The following RAB11FIP4 variants were observed in gnomAD, a reference collection of about 807,000 sequenced individuals.
The protein encoded by RAB11FIP4 is RAB11 family interacting protein 4, also known as rab11 family-interacting protein 4.
Under a neutral mutation model 74.3 loss-of-function variants are expected in RAB11FIP4, and 23 were observed. The observed-to-expected ratio is 0.31, with a 90% CI of 0.22 to 0.44. The LOEUF is 0.44. Ranked by LOEUF, RAB11FIP4 falls within the 20% of genes least tolerant of loss-of-function variation. The pLI is 1.00. For missense variants in RAB11FIP4, 630 were observed against 863.9 expected (o/e 0.73, Z 3.39); for synonymous variants, 360 against 359.9 (o/e 1.00, Z 0.00).
intron 11 of RAB11FIP4, 60 bp downstream of exon 11, chr17:31,527,983 T>C (rs575024455): frequency 2.3e-6 from 3 of 1,313,654 alleles, no homozygotes; most frequent in Middle Eastern, 2.5e-4. Flanking sequence ...TTTAGTTTAT[T>C]GCTTCTGAAA....
chr17:31,449,214 A>G lies in RAB11FIP4; in HGVS notation c.336+15092A>G, dbSNP rs1212849033. ...GCTCTGACACAGGCCATGCCCTCCA[A>G]TCCCAGCTCCTCACCCGCACACCGC... On this transcript the variant is annotated intron_variant, in intron 3 of 14. Coordinates refer to ENST00000621161, the MANE Select transcript of RAB11FIP4 (RefSeq NM_032932.6). Among the ~76,000 whole-genome samples, 5 of 152,098 alleles carry G rather than the reference A, an allele frequency of 3.3e-5. No individual in the cohort carries two copies. The South Asian group carries it at 8.3e-4, about 25-fold the overall frequency.
rs913082164 is a variant in RAB11FIP4 at position 31,535,931 on chromosome 17, G to A, written c.*4199G>A. 6.6e-6 allele frequency: 1 copy of A among 151,524 alleles called. No individual in the cohort carries two copies. Among genetic ancestry groups the A allele is most frequent in the African/African-American group, 2.4e-5 (1 of 41,238 alleles). The allele number at this position is 151,524 out of a possible 1,614,324, so 9.4% of individuals were successfully genotyped here. The stretch of plus-strand genomic sequence containing the variant: ...TGCTTCTGGTCTGTTTCCTGACTGG[G>A]TTGATAAAGGGAGTCCCAGCTCGTT... On this transcript the variant is annotated 3_prime_UTR_variant, in exon 15 of 15. Transcript: ENST00000621161.
chr17:31,462,166 T>C (rs769723837), intron 3 of RAB11FIP4, among the ~76,000 whole-genome samples: 5 of 151,856 alleles, frequency 3.3e-5, no homozygotes, highest in Non-Finnish European at 7.4e-5. Context: ...CTCAGGAGGC[T>C]AAGGCAGGAG....
rs975400152 is a variant in RAB11FIP4, at chr17:31,533,785, C to G, written c.*2053C>G. ...CTGGCAGCCTGGGGCGTGCTTCAGG[C>G]TCCTCCCTCTAAGGGGCGCCATGGG... On this transcript the variant is annotated 3_prime_UTR_variant, in exon 15 of 15. Coordinates refer to ENST00000621161, the MANE Select transcript of RAB11FIP4 (RefSeq NM_032932.6). 6.6e-6 allele frequency: 1 copy of G among 152,148 alleles called. No homozygotes were observed. Among genetic ancestry groups the G allele is most frequent in the African/African-American group, 2.4e-5 (1 of 41,400 alleles). The allele number at this position is 152,148 out of a possible 1,614,324, so 9.4% of individuals were successfully genotyped here.
intron 1 of RAB11FIP4, among the ~76,000 whole-genome samples, chr17:31,428,383 G>A (rs1481241235): frequency 6.6e-6 from 1 of 152,166 alleles, no homozygotes; most frequent in Non-Finnish European, 1.5e-5. Context: ...GCCTGTGATG[G>A]CGTGAACACT....
At chr17:31,468,983 T>C (rs2071712744) in intron 3 of RAB11FIP4, among the ~76,000 whole-genome samples, 1 of 152,134 alleles carries the variant, frequency 6.6e-6, no homozygotes, top group African/African-American at 2.4e-5. Flanking sequence ...GCCTACCTGA[T>C]AGGACTGTGA....
chr17:31,459,364 G>C (rs2071612707), intron 3 of RAB11FIP4, among the ~76,000 whole-genome samples: 1 of 151,870 alleles, frequency 6.6e-6, no homozygotes, highest in African/African-American at 2.4e-5. Context: ...ATAAAATGGG[G>C]GTAAAATGCC....
At chr17:31,477,624 C>T (rs749237552) in intron 3 of RAB11FIP4, among the ~76,000 whole-genome samples, 14 of 152,230 alleles carry the variant, frequency 9.2e-5, no homozygotes, top group Non-Finnish European at 1.9e-4. Context: ...TAGGTCTGGC[C>T]TGCGGTTTCT....
chr17:31,526,206 G>A (rs1597984507), intron 10 of RAB11FIP4: 1 of 152,364 alleles, frequency 6.6e-6, no homozygotes, highest in Non-Finnish European at 1.5e-5. Flanking sequence ...AAGGGTGACT[G>A]CTCTCGCTCA....
chr17:31,474,243 T>A (rs1243610819), intron 3 of RAB11FIP4, among the ~76,000 whole-genome samples: 1 of 152,010 alleles, frequency 6.6e-6, no homozygotes, highest in African/African-American at 2.4e-5. Context: ...GGCAACAATG[T>A]GGGGTGGGGA....
chr17:31,506,701 A>G (rs2072356673), intron 3 of RAB11FIP4, among the ~76,000 whole-genome samples: 1 of 152,214 alleles, frequency 6.6e-6, no homozygotes, highest in Non-Finnish European at 1.5e-5. Flanking sequence ...TCCATGTCAC[A>G]AATGACAGGA....
chr17:31,441,638 C>A (rs2071408043), intron 3 of RAB11FIP4, among the ~76,000 whole-genome samples: 1 of 152,044 alleles, frequency 6.6e-6, no homozygotes, highest in East Asian at 1.9e-4. Context: ...AGCAATTCTC[C>A]TGCCTCAGCC....
chr17:31,412,094 C>T (rs1463548275), intron 1 of RAB11FIP4, among the ~76,000 whole-genome samples: 1 of 152,176 alleles, frequency 6.6e-6, no homozygotes, highest in Non-Finnish European at 1.5e-5. Context: ...TTCTCCTCCC[C>T]AAGTGAGTGC....
chr17:31,495,106 G>A (rs1274414505), intron 3 of RAB11FIP4, among the ~76,000 whole-genome samples: 6 of 152,220 alleles, frequency 3.9e-5, no homozygotes, highest in African/African-American at 2.4e-5. Flanking sequence ...CTGCCCATCT[G>A]CCACTGCCAG....
chr17:31,514,756 C>T (rs1185057597), intron 3 of RAB11FIP4, among the ~76,000 whole-genome samples: 1 of 152,232 alleles, frequency 6.6e-6, no homozygotes, highest in Non-Finnish European at 1.5e-5. Context: ...CTTCTGGTCT[C>T]CCTCCTGCCT....
At chr17:31,519,835 T>C (rs1446291115) in intron 4 of RAB11FIP4, among the ~76,000 whole-genome samples, 3 of 152,078 alleles carry the variant, frequency 2.0e-5, no homozygotes, top group African/African-American at 7.2e-5. Flanking sequence ...CTGCTCGTGC[T>C]GCTCTCTGGG....
rs2071948966 is a variant in RAB11FIP4 at position 31,488,644 on chromosome 17, G to A, written c.337-29007G>A. On this transcript the variant is annotated intron_variant, in intron 3 of 14. Transcript: ENST00000621161. ...GGTCCCCGAGGGGGCTGAGCGCCGCGAAGTTTTTCTGTAGCTCTTGGCGGC... is the reference window on the plus strand; with the variant it reads ...GGTCCCCGAGGGGGCTGAGCGCCGCAAAGTTTTTCTGTAGCTCTTGGCGGC... Among the ~76,000 whole-genome samples the A allele has an allele frequency of 3.3e-5, 5 of 152,188 alleles. 1 individual carries two copies. In the South Asian group the frequency reaches 1.0e-3, roughly 31 times the overall value.
intron 6 of RAB11FIP4, 21 bp downstream of exon 6, chr17:31,522,070 G>A (rs545436454): frequency 6.2e-7 from 1 of 1,613,660 alleles, no homozygotes; most frequent in African/African-American, 1.3e-5. Flanking sequence ...GGCCCAGCTG[G>A]GGGGTGAGAG....
In RAB11FIP4 at chr17:31,531,977, A is replaced by G; in HGVS notation, c.*245A>G. ...ACTTTGTGGCCCCTTTGCAAGGGGC[A>G]GAGGGTACTGGAAGTGGGAGGAGGC... On this transcript the variant is annotated 3_prime_UTR_variant, in exon 15 of 15. Coordinates refer to ENST00000621161, the MANE Select transcript of RAB11FIP4 (RefSeq NM_032932.6). 2 of 460,050 alleles carry G rather than the reference A, an allele frequency of 4.3e-6. No individual in the cohort carries two copies. Among genetic ancestry groups the G allele is most frequent in the South Asian group, 6.3e-5 (2 of 31,660 alleles). 28.5% of individuals were successfully genotyped at this position (460,050 alleles called of 1,614,324 possible). A position where few individuals can be genotyped will look rare whatever the true frequency, so the allele number is the denominator to read the frequency against.
Sources: allele counts gnomAD v4.1 joint callset (sites outside exome capture counted in the v4.1 genomes callset), GRCh38; gene constraint gnomAD v4.1.1; transcripts MANE v1.5; gene names NCBI Gene and HGNC (gene_info 2026-07-23, HGNC 2026-07-21).